Variants in CARD8 observed in about 807,000 individuals in gnomAD.
CARD8 encodes the protein caspase recruitment domain-containing protein 8.
A neutral mutation model predicts 53.2 loss-of-function variants in CARD8; 38 were observed. The ratio of observed to expected loss-of-function variants is 0.71; its 90% CI spans 0.55 to 0.94. The LOEUF (loss-of-function observed/expected upper bound fraction) is 0.94. CARD8 is among the 40% of genes least tolerant of loss of function. The probability of loss-of-function intolerance (pLI) is 0.00; values close to 1 mark genes in which losing one functional copy is unlikely to be tolerated. For synonymous variants in CARD8, 245 were observed against 244.9 expected (o/e 1.00, Z 0.00); for missense variants, 561 against 655.5 (o/e 0.86, Z 1.57).
chr19:48,221,130 T>G (rs900661936), intron 11 of CARD8, among the ~76,000 whole-genome samples: 1 of 152,202 alleles, frequency 6.6e-6, no homozygotes, highest in Non-Finnish European at 1.5e-5. Flanking sequence ...TAATTTCATT[T>G]AGGACACTCT....
intron 1 of CARD8, among the ~76,000 whole-genome samples, chr19:48,252,394 A>G (rs1245892754): frequency 6.6e-6 from 1 of 151,972 alleles, no homozygotes; most frequent in East Asian, 1.9e-4. Flanking sequence ...GGTAAAACGT[A>G]TGTATATGTT....
chr19:48,234,385 C>T lies in CARD8; in HGVS notation c.350+18G>A, dbSNP rs138998686. On this transcript the variant is annotated intron_variant, in intron 6 of 13. Transcript: ENST00000651546. ...GACACAGCGTCCAATAGTTTTCCAA[C>T]GGAATAGCTTTTCTTACCTGGGAAT... is the stretch of plus-strand genomic sequence containing the variant. 634 of 1,599,222 alleles carry T rather than the reference C, an allele frequency of 4.0e-4. 3 individuals are homozygous for T. The highest frequency in any genetic ancestry group is 3.3e-4 in the Middle Eastern group (2 of 5,992).
intron 11 of CARD8, among the ~76,000 whole-genome samples, chr19:48,219,816 C>T (rs1292552158): frequency 2.0e-5 from 3 of 152,016 alleles, no homozygotes; most frequent in Non-Finnish European, 2.9e-5. Flanking sequence ...ACTAAAAATA[C>T]AACAATTAGC....
At chr19:48,242,382 T>G (rs543682191) in intron 3 of CARD8, among the ~76,000 whole-genome samples, 24 of 150,320 alleles carry the variant, frequency 1.6e-4, no homozygotes, top group Admixed American at 2.7e-4. Context: ...CTGTGAGAAA[T>G]AAATTCTGTT....
intron 4 of CARD8, among the ~76,000 whole-genome samples, chr19:48,239,111 A>C (rs2044468536): frequency 2.0e-5 from 3 of 152,322 alleles, no homozygotes; most frequent in Admixed American, 2.0e-4. Context: ...AATGTTAACC[A>C]GATGAAGTTG....
intron 1 of CARD8, among the ~76,000 whole-genome samples, chr19:48,250,402 G>A (rs999015536): frequency 3.3e-5 from 5 of 152,176 alleles, no homozygotes; most frequent in Admixed American, 1.3e-4. Context: ...CTTTATGCAA[G>A]GTTGTGGGTT....
intron 5 of CARD8, among the ~76,000 whole-genome samples, chr19:48,237,253 GCCTGTC>G (rs932712466): frequency 1.3e-5 from 2 of 151,938 alleles, no homozygotes; most frequent in African/African-American, 4.8e-5. Context: ...AGTGGAACAG[GCCTGTC>G]ATATGATGTC....
At chr19:48,225,653 C>A (rs546029980) in intron 10 of CARD8, among the ~76,000 whole-genome samples, 1 of 152,020 alleles carries the variant, frequency 6.6e-6, no homozygotes, top group Admixed American at 6.6e-5. Context: ...AGCAGGAATT[C>A]TTGGAGTATT....
Position 48,221,871 on chromosome 19 carries a change from C to A in CARD8, c.1036-16G>T, listed in dbSNP as rs577706628. 4 of 1,568,886 alleles carry A rather than the reference C, an allele frequency of 2.5e-6. No homozygotes were observed. Among genetic ancestry groups the A allele is most frequent in the East Asian group, 2.3e-5 (1 of 44,028 alleles). On this transcript the variant is annotated splice_polypyrimidine_tract_variant and intron_variant, in intron 10 of 13. Coordinates refer to ENST00000651546, the MANE Select transcript of CARD8 (RefSeq NM_001184900.3). The stretch of plus-strand genomic sequence containing the variant: ...CATCTATCGCCTAAGGAAGAAGGGG[C>A]AGAAACATTAGAGAGCACAAAAAAT...
At chr19:48,245,926 A>G (rs1025894576) in intron 3 of CARD8, among the ~76,000 whole-genome samples, 6 of 150,310 alleles carry the variant, frequency 4.0e-5, no homozygotes, top group Admixed American at 4.0e-4. Flanking sequence ...ATATAATAGT[A>G]TATATAATAC....
chr19:48,226,835 C>T (rs1160052938), intron 10 of CARD8, among the ~76,000 whole-genome samples: 1 of 151,794 alleles, frequency 6.6e-6, no homozygotes, highest in Non-Finnish European at 1.5e-5. Context: ...GAAAAGAAAT[C>T]GAGGCCGAGG....
At chr19:48,230,094 C>G (rs1307672429) in intron 10 of CARD8, among the ~76,000 whole-genome samples, 1 of 152,106 alleles carries the variant, frequency 6.6e-6, no homozygotes, top group Admixed American at 6.6e-5. Flanking sequence ...GCCTGGGTGA[C>G]AGAGTAAGAC....
At chr19:48,233,571 G>A (rs1312480503) in intron 6 of CARD8, 1 of 352,872 alleles carries the variant, frequency 2.8e-6, no homozygotes, top group Non-Finnish European at 5.6e-6. Context: ...AGCAGCAAGA[G>A]TAAACATGCC....
chr19:48,242,077 TAGG>T (rs1178701081), intron 3 of CARD8, among the ~76,000 whole-genome samples: 4 of 152,170 alleles, frequency 2.6e-5, no homozygotes, highest in African/African-American at 7.2e-5. Context: ...TTTGATTTAA[TAGG>T]AGTTGTTATG....
intron 13 of CARD8, among the ~76,000 whole-genome samples, chr19:48,214,123 A>T (rs1268044390): frequency 6.6e-6 from 1 of 152,138 alleles, no homozygotes; most frequent in Non-Finnish European, 1.5e-5. Flanking sequence ...CTGGGACTAA[A>T]TCATACTCAT....
intron 12 of CARD8, among the ~76,000 whole-genome samples, chr19:48,217,190 G>A (rs115529010): frequency 1.8e-3 from 273 of 152,244 alleles, no homozygotes; most frequent in African/African-American, 6.3e-3. Context: ...CCTGCTCACC[G>A]TCCACTCACC....
intron 10 of CARD8, among the ~76,000 whole-genome samples, chr19:48,224,545 G>A (rs1288345921): frequency 6.6e-6 from 1 of 152,142 alleles, no homozygotes; most frequent in African/African-American, 2.4e-5. Context: ...AGTGGTTATA[G>A]AGTTGAACTG....
chr19:48,216,623 C>G (rs1442715525), intron 12 of CARD8, among the ~76,000 whole-genome samples: 1 of 152,158 alleles, frequency 6.6e-6, no homozygotes, highest in African/African-American at 2.4e-5. Flanking sequence ...GAGGCACAGC[C>G]ATGAAGCTGA....
intron 10 of CARD8, among the ~76,000 whole-genome samples, chr19:48,225,202 G>A (rs2041513657): frequency 6.6e-6 from 1 of 152,014 alleles, no homozygotes; most frequent in African/African-American, 2.4e-5. Flanking sequence ...AAGAACAATG[G>A]GAGAACTGGA....
Sources: gnomAD v4.1 joint callset for allele counts (sites outside exome capture counted in the v4.1 genomes callset) on GRCh38, gnomAD v4.1.1 for gene constraint, MANE v1.5 for transcripts, NCBI Gene and HGNC (gene_info 2026-07-23, HGNC 2026-07-21) for gene names.